The following PREP variants were observed in gnomAD, a reference collection of about 807,000 sequenced individuals.
The protein encoded by PREP is dJ355L5.1 (prolyl endopeptidase).
In PREP, 29 loss-of-function variants were observed where a neutral mutation model predicts 87.6. The observed-to-expected ratio is 0.33, with a 90% CI of 0.25 to 0.45. PREP has a LOEUF of 0.45. PREP is among the 20% of genes least tolerant of loss of function. The probability of loss-of-function intolerance (pLI) is 1.00; values close to 1 mark genes in which losing one functional copy is unlikely to be tolerated. For missense variants in PREP, 695 were observed against 886.5 expected (o/e 0.78, Z 2.74); for synonymous variants, 337 against 328.6 (o/e 1.03, Z -0.28).
At chr6:105,364,947 C>A (rs1772348926) in intron 6 of PREP, among the ~76,000 whole-genome samples, 1 of 152,168 alleles carries the variant, frequency 6.6e-6, no homozygotes. Context: ...GCCTTTGGTA[C>A]ATGGTTATAA....
intron 7 of PREP, among the ~76,000 whole-genome samples, chr6:105,350,385 C>G (rs1047615371): frequency 1.3e-5 from 2 of 151,966 alleles, no homozygotes; most frequent in Non-Finnish European, 2.9e-5. Flanking sequence ...AACAGGGTAA[C>G]CAGTTATTTA....
intron 2 of PREP, among the ~76,000 whole-genome samples, chr6:105,397,139 C>T (rs941660475): frequency 3.4e-5 from 5 of 145,016 alleles, no homozygotes; most frequent in Non-Finnish European, 5.9e-5. Context: ...GAGCCAAGAT[C>T]GCACCAGTGC....
intron 2 of PREP, among the ~76,000 whole-genome samples, chr6:105,388,831 A>T (rs1773068296): frequency 1.3e-5 from 2 of 152,224 alleles, no homozygotes; most frequent in Non-Finnish European, 2.9e-5. Flanking sequence ...AATGGGTAGA[A>T]GGTGTCTCAC....
chr6:105,344,256 C>T (rs1285165879), intron 7 of PREP, among the ~76,000 whole-genome samples: 1 of 152,100 alleles, frequency 6.6e-6, no homozygotes, highest in African/African-American at 2.4e-5. Context: ...TTTGGGGAGG[C>T]CGAGGCAGGC....
intron 5 of PREP, among the ~76,000 whole-genome samples, chr6:105,369,842 C>T (rs1477222514): frequency 2.0e-5 from 3 of 152,034 alleles, no homozygotes; most frequent in African/African-American, 4.8e-5. Context: ...AACAAAAAAA[C>T]GATTAAAAAC....
At position 105,352,089 on chromosome 6, in the gene PREP, C is replaced by T. The variant is rs142238398; in HGVS notation, c.823+883G>A. Among the ~76,000 whole-genome samples the T allele has an allele frequency of 1.4e-4, 21 of 152,238 alleles. No individual in the cohort carries two copies. In the East Asian group the frequency reaches 3.5e-3, roughly 25 times the overall value. On this transcript the variant is annotated intron_variant, in intron 7 of 14. Coordinates refer to ENST00000652536, the MANE Select transcript of PREP (RefSeq NM_002726.5). ...TTAGAAACTAATAATGAGGTAAATA[C>T]ATTATTACAGAAATGCACTTAGTAT...
chr6:105,313,701 G>A (rs1252361160), intron 10 of PREP, among the ~76,000 whole-genome samples: 2 of 152,118 alleles, frequency 1.3e-5, no homozygotes, highest in Non-Finnish European at 2.9e-5. Flanking sequence ...CAGACTCACC[G>A]CACAAGGGGC....
intron 8 of PREP, 95 bp downstream of exon 8, chr6:105,333,216 TACC>T: frequency 8.3e-7 from 1 of 1,202,374 alleles, no homozygotes; most frequent in African/African-American, 1.5e-5. Context: ...GAAGGTTTTT[TACC>T]TTGTAACAGA....
chr6:105,386,681 G>A (rs1773004440), intron 2 of PREP, among the ~76,000 whole-genome samples: 1 of 152,192 alleles, frequency 6.6e-6, no homozygotes, highest in Non-Finnish European at 1.5e-5. Context: ...CTTTAATCAA[G>A]TAATCTAAGT....
intron 13 of PREP, 96 bp downstream of exon 13, chr6:105,282,355 T>C (rs1770101781): frequency 7.0e-7 from 1 of 1,421,566 alleles, no homozygotes; most frequent in South Asian, 1.4e-5. Context: ...TGTGGTCCTA[T>C]CCACAAAGTT....
chr6:105,293,315 G>C (rs752827708), intron 10 of PREP, among the ~76,000 whole-genome samples: 5 of 152,120 alleles, frequency 3.3e-5, no homozygotes, highest in African/African-American at 4.8e-5. Flanking sequence ...CAAGGAGAGG[G>C]AGTGAGACAG....
chr6:105,304,171 T>C (rs1420427253), intron 10 of PREP, among the ~76,000 whole-genome samples: 1 of 152,058 alleles, frequency 6.6e-6, no homozygotes. Flanking sequence ...AACAGGAGAG[T>C]ATAACAACTA....
At position 105,402,868 on chromosome 6, in the gene PREP, G is replaced by T; in HGVS notation, c.24C>A (p.Asp8Glu). The change falls in exon 1 of 15, where the codon GAC becomes GAA. Residue 8 changes from aspartate (D) to glutamate (E), a missense_variant. Physicochemically the swap from Asp to Glu is conservative, Grantham distance 45 (BLOSUM62 2). Coordinates refer to ENST00000652536, the MANE Select transcript of PREP (RefSeq NM_002726.5). MLSLQYP[D>E]VYRDETAVQD... ...TTACGGCGGTCTCGTCGCGGTACACGTCGGGGTACTGAAGGGACAGCATGG... is the reference window on the plus strand; with the variant it reads ...TTACGGCGGTCTCGTCGCGGTACACTTCGGGGTACTGAAGGGACAGCATGG... The T allele has an allele frequency of 6.5e-7, 1 of 1,544,664 alleles. No homozygotes were observed. The highest frequency in any genetic ancestry group is 8.7e-7 in the Non-Finnish European group (1 of 1,143,512).
rs138472982 is a variant in PREP, at chr6:105,328,911, G to C, written c.1131C>G (p.Leu377=). Residue 377 remains leucine, a synonymous_variant, in exon 9 of 15, where the codon CTC becomes CTG. Coordinates refer to ENST00000652536, the MANE Select transcript of PREP (RefSeq NM_002726.5). Reference sequence around the variant, plus strand: ...TGTACCCTACAATGCTGCCGACATCGAGCGGGAAGGTCTTAAGGAGAGCAC... The same window carrying C: ...TGTACCCTACAATGCTGCCGACATCCAGCGGGAAGGTCTTAAGGAGAGCAC... The part of the protein sequence containing the change: ...TTGALLKTFP[L]DVGSIVGYSG... The C allele has an allele frequency of 1.3e-5, 21 of 1,613,982 alleles. No individual in the cohort carries two copies. The highest frequency in any genetic ancestry group is 2.7e-5 in the African/African-American group (2 of 74,894).
chr6:105,314,449 A>G (rs1365890764), intron 10 of PREP, among the ~76,000 whole-genome samples: 1 of 152,258 alleles, frequency 6.6e-6, no homozygotes, highest in Non-Finnish European at 1.5e-5. Flanking sequence ...TGATTTATCA[A>G]CAAAGTTTAT....
intron 10 of PREP, 140 bp downstream of exon 10, chr6:105,323,525 A>G: frequency 7.9e-6 from 6 of 762,206 alleles, no homozygotes; most frequent in Middle Eastern, 2.4e-4. Context: ...GTTTGGCTCA[A>G]TGACCGTCAA....
intron 7 of PREP, among the ~76,000 whole-genome samples, chr6:105,350,009 A>G (rs1177511624): frequency 1.3e-5 from 2 of 151,754 alleles, no homozygotes; most frequent in Non-Finnish European, 2.9e-5. Context: ...ACAATTAGAC[A>G]TGTTCCCTCA....
intron 10 of PREP, among the ~76,000 whole-genome samples, chr6:105,299,586 C>T (rs1770488788): frequency 6.6e-6 from 1 of 151,982 alleles, no homozygotes; most frequent in African/African-American, 2.4e-5. Context: ...GCAACAGAGC[C>T]AGACTCTGTC....
At chr6:105,318,772 C>A (rs1054424988) in intron 10 of PREP, among the ~76,000 whole-genome samples, 1 of 152,202 alleles carries the variant, frequency 6.6e-6, no homozygotes, top group Non-Finnish European at 1.5e-5. Flanking sequence ...TCACTCTTCA[C>A]TAAAACGTTC....
Sources: allele counts gnomAD v4.1 joint callset (sites outside exome capture counted in the v4.1 genomes callset), GRCh38; gene constraint gnomAD v4.1.1; transcripts MANE v1.5; gene names NCBI Gene and HGNC (gene_info 2026-07-23, HGNC 2026-07-21).